SPHKAP: variants seen among roughly 807,000 people sequenced by gnomAD.
The protein encoded by SPHKAP is A-kinase anchor protein SPHKAP.
In SPHKAP, 67 loss-of-function variants were observed where a neutral mutation model predicts 137.5. The ratio of observed to expected loss-of-function variants is 0.49; its 90% CI spans 0.40 to 0.60. SPHKAP has a LOEUF of 0.60. SPHKAP is among the 20% of genes least tolerant of loss of function. The pLI is 0.00. For missense variants in SPHKAP, 2,097 were observed against 2,069.3 expected, an observed-to-expected ratio of 1.01 and a Z score of -0.26; for synonymous variants, 813 against 785.3, an observed-to-expected ratio of 1.04 and a Z score of -0.59.
intron 1 of SPHKAP, among the ~76,000 whole-genome samples, chr2:228,148,105 T>A (rs147429624): frequency 4.5e-4 from 68 of 152,198 alleles, no homozygotes; most frequent in African/African-American, 1.5e-3. Context: ...TTCTTTGGGG[T>A]GCTCTCGTTT....
chr2:228,135,940 T>C (rs1348620932), intron 1 of SPHKAP, among the ~76,000 whole-genome samples: 1 of 152,200 alleles, frequency 6.6e-6, no homozygotes, highest in Non-Finnish European at 1.5e-5. Flanking sequence ...TTAAAGCATG[T>C]AATATGAGTG....
At chr2:227,990,742 C>G (rs1693381815) in intron 11 of SPHKAP, among the ~76,000 whole-genome samples, 1 of 152,150 alleles carries the variant, frequency 6.6e-6, no homozygotes, top group East Asian at 1.9e-4. Flanking sequence ...AAATAACAGA[C>G]TCTAAAAAAG....
intron 1 of SPHKAP, among the ~76,000 whole-genome samples, chr2:228,159,808 G>A (rs183131349): frequency 7.5e-4 from 114 of 152,244 alleles, no homozygotes; most frequent in Non-Finnish European, 1.1e-3. Context: ...TCACCACAGA[G>A]AACTATGTAT....
intron 3 of SPHKAP, among the ~76,000 whole-genome samples, chr2:228,032,675 T>A (rs1035021281): frequency 6.6e-6 from 1 of 152,178 alleles, no homozygotes; most frequent in East Asian, 1.9e-4. Context: ...TAACAGCTGA[T>A]CTCTTGGCAG....
In SPHKAP at chr2:228,017,661, G is replaced by T; in HGVS notation, c.3193C>A (p.Pro1065Thr). Residue 1065 changes from proline (P) to threonine (T), a missense_variant, in exon 7 of 12, where the codon CCC becomes ACC. Pro to Thr is a conservative substitution (Grantham distance 38, BLOSUM62 -1). Transcript: ENST00000392056. ...TCGCCACTCAGTAACCGATTCCGGGGATAGCCCTGCGCCTGCCACATGCCG... is the reference window on the plus strand; with the variant it reads ...TCGCCACTCAGTAACCGATTCCGGGTATAGCCCTGCGCCTGCCACATGCCG... Reference protein sequence around the residue: ...VDGMWQAQGYPRNRLLSGDRW... With the variant: ...VDGMWQAQGYTRNRLLSGDRW... 6.2e-7 allele frequency: 1 copy of T among 1,613,994 alleles called. No individual in the cohort carries two copies. The highest frequency in any genetic ancestry group is 8.5e-7 in the Non-Finnish European group (1 of 1,180,016).
At chr2:228,071,785 C>T (rs866816670) in intron 3 of SPHKAP, among the ~76,000 whole-genome samples, 7 of 150,416 alleles carry the variant, frequency 4.7e-5, no homozygotes, top group Middle Eastern at 6.9e-3. Context: ...TCAAGCAATT[C>T]AACCTTTTTT....
chr2:228,077,846 C>T (rs941205688), intron 3 of SPHKAP, among the ~76,000 whole-genome samples: 1 of 152,098 alleles, frequency 6.6e-6, no homozygotes, highest in Non-Finnish European at 1.5e-5. Context: ...GTGTCCCCAC[C>T]CAAATCTCAT....
At chr2:228,045,299 G>A (rs893791009) in intron 3 of SPHKAP, among the ~76,000 whole-genome samples, 7 of 148,196 alleles carry the variant, frequency 4.7e-5, no homozygotes, top group African/African-American at 1.5e-4. Context: ...ACATGCACAC[G>A]TATGTTTATT....
rs1361590910 is a variant in SPHKAP, at chr2:228,017,906, TTCTTCC to T, written c.2942_2947del (p.Arg981_Lys982del). 1.9e-6 allele frequency: 3 copies of T among 1,614,020 alleles called. No individual in the cohort carries two copies. The highest frequency in any genetic ancestry group is 2.7e-5 in the African/African-American group (2 of 74,910). On this transcript the variant is annotated inframe_deletion, in exon 7 of 12. Coordinates refer to ENST00000392056, the MANE Select transcript of SPHKAP (RefSeq NM_001142644.2). ...AGCGGTCCCGCTCCCCTGGCTCTCT[TTCTTCC>T]TCTTCAAGGATCGGCAGGGTACGTT...
In SPHKAP at chr2:228,062,605, G is replaced by GAAA. The variant is rs57078919; in HGVS notation, c.247-35065_247-35063dup. Among the ~76,000 whole-genome samples, 1,041 of 146,576 alleles carry GAAA rather than the reference G, an allele frequency of 7.1e-3. 14 individuals carry two copies. Among genetic ancestry groups the GAAA allele is most frequent in the African/African-American group, 0.025 (999 of 40,124 alleles). ...CCATACCATGTCTCTATTAAAAATG[G>GAAA]AAAAAAAAAATAAAATGCCAAAGCT... On this transcript the variant is annotated intron_variant, in intron 3 of 11. Transcript: ENST00000392056.
At chr2:228,095,922 A>G (rs1482567271) in intron 3 of SPHKAP, among the ~76,000 whole-genome samples, 5 of 152,180 alleles carry the variant, frequency 3.3e-5, no homozygotes, top group Non-Finnish European at 7.3e-5. Context: ...TCAGTTCCCA[A>G]TAAAGTAAGG....
At chr2:228,077,027 G>A (rs1436202859) in intron 3 of SPHKAP, among the ~76,000 whole-genome samples, 2 of 152,202 alleles carry the variant, frequency 1.3e-5, no homozygotes, top group Admixed American at 6.5e-5. Context: ...AGGGGCCAAT[G>A]TAGGGCTCAG....
chr2:228,141,247 T>C (rs1387050260), intron 1 of SPHKAP, among the ~76,000 whole-genome samples: 1 of 152,208 alleles, frequency 6.6e-6, no homozygotes, highest in Admixed American at 6.5e-5. Flanking sequence ...TTGGATCTAT[T>C]ACTCAACCCT....
intron 2 of SPHKAP, 67 bp from the exon 3 acceptor site, chr2:228,109,006 T>C: frequency 1.1e-6 from 1 of 906,348 alleles, no homozygotes; most frequent in Non-Finnish European, 1.5e-6. Flanking sequence ...CAGCTCTCTC[T>C]CTTTTTTTTT....
At chr2:228,028,232 A>G (rs192201949) in intron 3 of SPHKAP, among the ~76,000 whole-genome samples, 3 of 152,258 alleles carry the variant, frequency 2.0e-5, no homozygotes, top group African/African-American at 7.2e-5. Flanking sequence ...TGCAATAAAT[A>G]CTTTTCTCTA....
intron 1 of SPHKAP, among the ~76,000 whole-genome samples, chr2:228,165,679 T>C (rs964553559): frequency 6.6e-6 from 1 of 152,208 alleles, no homozygotes; most frequent in African/African-American, 2.4e-5. Flanking sequence ...AAACTTAAAG[T>C]GATTGCAAAT....
intron 3 of SPHKAP, among the ~76,000 whole-genome samples, chr2:228,030,724 A>AT (rs1553615043): frequency 4.8e-5 from 6 of 125,570 alleles, no homozygotes; most frequent in Admixed American, 8.4e-5. Context: ...CACCTCCATA[A>AT]TATTTTTTTT....
At chr2:228,037,915 C>T (rs1695687217) in intron 3 of SPHKAP, among the ~76,000 whole-genome samples, 1 of 152,134 alleles carries the variant, frequency 6.6e-6, no homozygotes, top group African/African-American at 2.4e-5. Flanking sequence ...AGCAAGTTTT[C>T]AATCTCTACA....
At chr2:228,156,051 A>C (rs1344053490) in intron 1 of SPHKAP, among the ~76,000 whole-genome samples, 1 of 152,196 alleles carries the variant, frequency 6.6e-6, no homozygotes, top group African/African-American at 2.4e-5. Context: ...CTTGTGAAGG[A>C]TTTAAACTAA....
Sources: gnomAD v4.1 joint callset for allele counts (sites outside exome capture counted in the v4.1 genomes callset) on GRCh38, gnomAD v4.1.1 for gene constraint, MANE v1.5 for transcripts, NCBI Gene and HGNC (gene_info 2026-07-23, HGNC 2026-07-21) for gene names.